The following SLC12A2 variants were observed in gnomAD, a reference collection of about 807,000 sequenced individuals.
SLC12A2 encodes the protein solute carrier family 12 member 2, also known as Na-K-2Cl cotransporter 1.
A neutral mutation model predicts 136.3 loss-of-function variants in SLC12A2; 67 were observed. The ratio of observed to expected loss-of-function variants is 0.49; its 90% CI spans 0.40 to 0.60. The LOEUF (loss-of-function observed/expected upper bound fraction) is 0.60, where lower values mean the gene tolerates loss of function less well. Ranked by LOEUF, SLC12A2 falls within the 20% of genes least tolerant of loss-of-function variation. The pLI is 0.00. For missense variants in SLC12A2, 1,322 were observed against 1,534.7 expected (o/e 0.86, Z 2.32); for synonymous variants, 619 against 562.9 (o/e 1.10, Z -1.41).
chr5:128,099,845 C>T (rs897585422), intron 1 of SLC12A2, among the ~76,000 whole-genome samples: 5 of 152,250 alleles, frequency 3.3e-5, no homozygotes, highest in Admixed American at 2.0e-4. Flanking sequence ...GTGGAGCTGT[C>T]ATTTCCTATA....
At chr5:128,109,507 T>C in intron 1 of SLC12A2, 1 of 596,452 alleles carries the variant, frequency 1.7e-6, no homozygotes, top group Non-Finnish European at 3.1e-6. Context: ...TTTGCTGCTT[T>C]ATTGCTTCTT....
In SLC12A2 at chr5:128,147,390, C is replaced by G. The variant is rs541770199; in HGVS notation, c.1774-232C>G. Among the ~76,000 whole-genome samples the G allele has an allele frequency of 1.2e-3, 179 of 151,802 alleles. 1 individual carries two copies. Among genetic ancestry groups the G allele is most frequent in the African/African-American group, 4.1e-3 (171 of 41,514 alleles). Reference sequence around the variant, plus strand: ...TGTTAGCAGTTCATTACACTCTTCTCTCTGCCATTGTGTGTGTTTAACATT... The same window carrying G: ...TGTTAGCAGTTCATTACACTCTTCTGTCTGCCATTGTGTGTGTTTAACATT... On this transcript the variant is annotated intron_variant, in intron 10 of 26. Transcript: ENST00000262461.
chr5:128,112,684 A>G, intron 1 of SLC12A2, 130 bp from the exon 2 acceptor site: 1 of 573,806 alleles, frequency 1.7e-6, no homozygotes, highest in Non-Finnish European at 2.8e-6. Context: ...ATATTTGGAA[A>G]CCCTTGATTC....
Position 128,184,717 on chromosome 5 carries a change from T to C in SLC12A2, c.3436-72T>C, listed in dbSNP as rs774385435. On this transcript the variant is annotated intron_variant, in intron 25 of 26. Coordinates refer to ENST00000262461, the MANE Select transcript of SLC12A2 (RefSeq NM_001046.3). ...TTCATTTCAGTTTCTTTTTGTCTCC[T>C]TATAGTTTTATGAACCATGCTAAAT... 1.7e-5 allele frequency: 28 copies of C among 1,603,758 alleles called. No individual in the cohort carries two copies. The Middle Eastern group carries it at 5.0e-4, about 29-fold the overall frequency.
intron 4 of SLC12A2, among the ~76,000 whole-genome samples, chr5:128,126,950 AT>A (rs1761816905): frequency 3.8e-5 from 1 of 26,504 alleles, no homozygotes; most frequent in Non-Finnish European, 6.5e-5. Flanking sequence ...ACATATATAT[AT>A]ATATATATAT....
rs1763630590 is a variant in SLC12A2, at chr5:128,179,423, T to G, written c.3100+734T>G. 4.6e-5 allele frequency among the ~76,000 whole-genome samples: 7 copies of G among 152,316 alleles called. No individual in the cohort carries two copies. The South Asian group carries it at 1.5e-3, about 32-fold the overall frequency. On this transcript the variant is annotated intron_variant, in intron 22 of 26. Transcript: ENST00000262461. ...TGATTCCTATTTTATTGATATTCAG[T>G]GGGATATGTATTAGACTGTTCTTGT... is the stretch of plus-strand genomic sequence containing the variant.
chr5:128,132,931 T>C (rs1458314854), intron 5 of SLC12A2, among the ~76,000 whole-genome samples: 2 of 152,146 alleles, frequency 1.3e-5, no homozygotes, highest in African/African-American at 4.8e-5. Flanking sequence ...AAAATTTAAC[T>C]TAGAGAAATA....
rs2126697359 is a variant in SLC12A2, at chr5:128,131,143, C to T, written c.1125C>T (p.Ala375=). The T allele has an allele frequency of 6.2e-7, 1 of 1,614,114 alleles. No individual in the cohort carries two copies. The highest frequency in any genetic ancestry group is 2.2e-5 in the East Asian group (1 of 44,882). ...GGAIGLIFAF[A]NAVAVAMYVV... ...CAATTGGTCTAATCTTCGCCTTTGC[C>T]AACGCTGTTGCAGTTGCTATGTATG... The change falls in exon 5 of 27, where the codon GCC becomes GCT. Residue 375 remains alanine, a synonymous_variant. Coordinates refer to ENST00000262461, the MANE Select transcript of SLC12A2 (RefSeq NM_001046.3).
rs1032462931 is a variant in SLC12A2 at position 128,174,446 on chromosome 5, AT to A, written c.2804-89del. On this transcript the variant is annotated intron_variant, in intron 19 of 26. Transcript: ENST00000262461. ...ATAAGAAGCCATTTATAATAAACTT[AT>A]TTTTTCATAATAGTTTAATTACTAA... The A allele has an allele frequency of 3.0e-5, 28 of 920,018 alleles. 1 individual carries two copies. In the Admixed American group the frequency reaches 6.4e-4, roughly 21 times the overall value. 57.0% of individuals were successfully genotyped at this position (920,018 alleles called of 1,614,324 possible). A position where few individuals can be genotyped will look rare whatever the true frequency, so the allele number is the denominator to read the frequency against.
chr5:128,127,237 T>C (rs1323401775), intron 4 of SLC12A2, among the ~76,000 whole-genome samples: 6 of 144,434 alleles, frequency 4.2e-5, no homozygotes, highest in African/African-American at 7.7e-5. Context: ...TTCTCCTGCC[T>C]CAGCCTCCCG....
intron 15 of SLC12A2, among the ~76,000 whole-genome samples, chr5:128,153,869 C>G (rs1345487174): frequency 6.6e-6 from 1 of 152,030 alleles, no homozygotes; most frequent in Non-Finnish European, 1.5e-5. Flanking sequence ...ACACGCAGGT[C>G]TTCAGCTTTA....
At chr5:128,147,590 T>G in intron 10 of SLC12A2, 32 bp from the exon 11 acceptor site, 2 of 1,392,502 alleles carry the variant, frequency 1.4e-6, no homozygotes, top group Non-Finnish European at 2.0e-6. Context: ...TTTGTGAGAT[T>G]TATTTTTCCA....
chr5:128,140,609 G>A (rs1260327201), intron 9 of SLC12A2, among the ~76,000 whole-genome samples: 2 of 149,922 alleles, frequency 1.3e-5, no homozygotes, highest in African/African-American at 5.1e-5. Flanking sequence ...TGGAGCAATA[G>A]GGGTAACCCC....
chr5:128,146,071 CTTA>C, intron 10 of SLC12A2, among the ~76,000 whole-genome samples: 1 of 151,846 alleles, frequency 6.6e-6, no homozygotes, highest in Non-Finnish European at 1.5e-5. Flanking sequence ...TACCTGTGTA[CTTA>C]TCCTTCAGTT....
At chr5:128,086,991 T>C (rs1237017386) in intron 1 of SLC12A2, among the ~76,000 whole-genome samples, 3 of 152,218 alleles carry the variant, frequency 2.0e-5, no homozygotes, top group Non-Finnish European at 2.9e-5. Flanking sequence ...ACTAAGTGCA[T>C]AATTATCTAC....
chr5:128,149,883 C>G (rs1292449812), intron 12 of SLC12A2, 114 bp from the exon 13 acceptor site: 11 of 737,382 alleles, frequency 1.5e-5, no homozygotes, highest in Non-Finnish European at 2.1e-5. Flanking sequence ...TTTATGAAAG[C>G]TGGATGGTGG....
intron 26 of SLC12A2, among the ~76,000 whole-genome samples, chr5:128,185,760 A>T (rs1763846693): frequency 6.6e-6 from 1 of 152,200 alleles, no homozygotes; most frequent in Non-Finnish European, 1.5e-5. Flanking sequence ...TATTCTTATT[A>T]AAGAAGGGGA....
intron 4 of SLC12A2, among the ~76,000 whole-genome samples, chr5:128,122,012 A>G (rs1164406929): frequency 6.6e-6 from 1 of 152,234 alleles, no homozygotes; most frequent in Non-Finnish European, 1.5e-5. Context: ...AGAATAGAGG[A>G]CAACTGCAGG....
At chr5:128,185,267 G>A (rs147213968) in intron 26 of SLC12A2, among the ~76,000 whole-genome samples, 32 of 152,128 alleles carry the variant, frequency 2.1e-4, no homozygotes, top group Non-Finnish European at 1.5e-4. Flanking sequence ...CTTGAATAGT[G>A]ATTCCTATCT....
Sources: gnomAD v4.1 joint callset for allele counts (sites outside exome capture counted in the v4.1 genomes callset) on GRCh38, gnomAD v4.1.1 for gene constraint, MANE v1.5 for transcripts, NCBI Gene and HGNC (gene_info 2026-07-23, HGNC 2026-07-21) for gene names.